Variants in PPP1R14C observed in about 807,000 individuals in gnomAD.
PPP1R14C encodes the protein protein phosphatase 1 regulatory inhibitor subunit 14C, also known as protein phosphatase 1 regulatory subunit 14C.
Under a neutral mutation model 20.4 loss-of-function variants are expected in PPP1R14C, and 16 were observed. The ratio of observed to expected loss-of-function variants is 0.78; its 90% CI spans 0.53 to 1.19. The LOEUF (loss-of-function observed/expected upper bound fraction) is 1.19, where lower values mean the gene tolerates loss of function less well. Among genes scored for constraint, PPP1R14C ranks in the 50% most tolerant of loss-of-function variants. The probability of loss-of-function intolerance (pLI) is 0.00; values close to 1 mark genes in which losing one functional copy is unlikely to be tolerated. For missense variants in PPP1R14C, 211 were observed against 220.1 expected (o/e 0.96, Z 0.26); for synonymous variants, 91 against 91.0 (o/e 1.00, Z 0.00).
intron 3 of PPP1R14C, among the ~76,000 whole-genome samples, chr6:150,234,840 C>A (rs1414435191): frequency 2.1e-5 from 2 of 95,138 alleles, no homozygotes; most frequent in African/African-American, 9.7e-5. Context: ...CAAAGTGAGA[C>A]TCTGTCTCAA....
intron 1 of PPP1R14C, among the ~76,000 whole-genome samples, chr6:150,160,908 G>A (rs1346670777): frequency 6.6e-6 from 1 of 152,016 alleles, no homozygotes; most frequent in African/African-American, 2.4e-5. Flanking sequence ...GGCTTATCTT[G>A]TATGTTTCCT....
At chr6:150,200,972 C>T (rs879705542) in intron 1 of PPP1R14C, among the ~76,000 whole-genome samples, 6 of 152,160 alleles carry the variant, frequency 3.9e-5, no homozygotes, top group Non-Finnish European at 8.8e-5. Flanking sequence ...CTCCAAAAGT[C>T]ACGGAAGTCA....
intron 3 of PPP1R14C, among the ~76,000 whole-genome samples, chr6:150,223,289 T>C (rs1778191901): frequency 6.6e-6 from 1 of 152,224 alleles, no homozygotes; most frequent in Non-Finnish European, 1.5e-5. Context: ...TGGCAATTAA[T>C]GAATAAAGCT....
At chr6:150,216,552 A>G (rs954146587) in intron 2 of PPP1R14C, among the ~76,000 whole-genome samples, 7 of 142,274 alleles carry the variant, frequency 4.9e-5, no homozygotes, top group Non-Finnish European at 1.5e-5. Context: ...TTTCAATGCT[A>G]TGGTAGCAAA....
intron 1 of PPP1R14C, among the ~76,000 whole-genome samples, chr6:150,169,225 A>G (rs1022099135): frequency 6.6e-6 from 1 of 152,236 alleles, no homozygotes; most frequent in Non-Finnish European, 1.5e-5. Flanking sequence ...AAAAATATCT[A>G]ACCTTCCATT....
intron 1 of PPP1R14C, among the ~76,000 whole-genome samples, chr6:150,198,999 T>C (rs1777844252): frequency 7.1e-6 from 1 of 141,154 alleles, no homozygotes; most frequent in Non-Finnish European, 1.6e-5. Context: ...GTAGGCTTCT[T>C]CTTTTTTTTT....
In PPP1R14C at chr6:150,214,830, A is replaced by G. The variant is rs1448825106; in HGVS notation, c.390+3A>G. On this transcript the variant is annotated splice_donor_region_variant and intron_variant, in intron 2 of 3. Coordinates refer to ENST00000361131, the MANE Select transcript of PPP1R14C (RefSeq NM_030949.3). ...AAGAGAGAGCTTCAAAATTACAGGT[A>G]AGCAGTTTCCAAAATTGAGAACCTT... 1 of 1,604,812 alleles carries G rather than the reference A, an allele frequency of 6.2e-7. No individual in the cohort carries two copies. Among genetic ancestry groups the G allele is most frequent in the Non-Finnish European group, 8.5e-7 (1 of 1,174,518 alleles).
chr6:150,159,345 A>G (rs1377223211), intron 1 of PPP1R14C, among the ~76,000 whole-genome samples: 1 of 152,142 alleles, frequency 6.6e-6, no homozygotes, highest in Non-Finnish European at 1.5e-5. Flanking sequence ...CTTTGATCGC[A>G]TTTTGTCAAC....
At position 150,234,848 on chromosome 6, in the gene PPP1R14C, C is replaced by CAAAAAAAAA. The variant is rs56139981; in HGVS notation, c.424-13878_424-13870dup. Among the ~76,000 whole-genome samples, 26 of 41,834 alleles carry CAAAAAAAAA rather than the reference C, an allele frequency of 6.2e-4. 4 individuals are homozygous for CAAAAAAAAA. Among genetic ancestry groups the CAAAAAAAAA allele is most frequent in the African/African-American group, 2.7e-3 (26 of 9,712 alleles). The allele number at this position is 41,834 out of a possible 152,430, so 27.4% of individuals were successfully genotyped here. On this transcript the variant is annotated intron_variant, in intron 3 of 3. Transcript: ENST00000361131. ...TGGGCGACAAAGTGAGACTCTGTCT[C>CAAAAAAAAA]AAAAAAAAAAAAAAAAAAAAAAAAA... is the stretch of plus-strand genomic sequence containing the variant.
intron 1 of PPP1R14C, among the ~76,000 whole-genome samples, chr6:150,180,108 G>A (rs550938014): frequency 6.6e-6 from 1 of 152,268 alleles, no homozygotes; most frequent in South Asian, 2.1e-4. Context: ...AAGCTGAGGC[G>A]TGAGAATCAC....
At position 150,244,771 on chromosome 6, in the gene PPP1R14C, G is replaced by A. The variant is rs540158567; in HGVS notation, c.424-3975G>A. Among the ~76,000 whole-genome samples, 313 of 152,226 alleles carry A rather than the reference G, an allele frequency of 2.1e-3. 1 individual carries two copies. The highest frequency in any genetic ancestry group is 3.8e-3 in the Admixed American group (58 of 15,298). On this transcript the variant is annotated intron_variant, in intron 3 of 3. Coordinates refer to ENST00000361131, the MANE Select transcript of PPP1R14C (RefSeq NM_030949.3). ...ACTGTATGTTTACAAACTGTGGGTG[G>A]GAACACATTTGCTGGTCTTGACTTT...
At position 150,248,793 on chromosome 6, in the gene PPP1R14C, G is replaced by A. The variant is rs759667149; in HGVS notation, c.471G>A (p.Leu157=). The part of the protein sequence containing the change: ...LLSRIRGMRK[L]SPPQKKSV ...CTCGGATAAGAGGCATGAGGAAACTGAGCCCTCCGCAGAAGAAGAGTGTAT... is the reference window on the plus strand; with the variant it reads ...CTCGGATAAGAGGCATGAGGAAACTAAGCCCTCCGCAGAAGAAGAGTGTAT... Residue 157 remains leucine (L), a synonymous_variant, in exon 4 of 4, where the codon CTG becomes CTA. Transcript: ENST00000361131. The A allele has an allele frequency of 1.9e-6, 3 of 1,613,254 alleles. No individual in the cohort carries two copies. Among genetic ancestry groups the A allele is most frequent in the Admixed American group, 1.7e-5 (1 of 60,006 alleles).
chr6:150,207,229 A>G (rs1777964772), intron 1 of PPP1R14C, among the ~76,000 whole-genome samples: 1 of 152,198 alleles, frequency 6.6e-6, no homozygotes, highest in Non-Finnish European at 1.5e-5. Context: ...AGCTTTAGCC[A>G]TTGGTTTAAC....
At chr6:150,209,793 G>A in intron 1 of PPP1R14C, among the ~76,000 whole-genome samples, 1 of 147,184 alleles carries the variant, frequency 6.8e-6, no homozygotes, top group South Asian at 2.1e-4. Context: ...ATGTGAGTGA[G>A]TAGTGTGGAG....
chr6:150,206,230 T>C (rs1302503654), intron 1 of PPP1R14C, among the ~76,000 whole-genome samples: 1 of 152,204 alleles, frequency 6.6e-6, no homozygotes, highest in Non-Finnish European at 1.5e-5. Context: ...ATACTCCCTG[T>C]CTCCCCTGCC....
intron 1 of PPP1R14C, among the ~76,000 whole-genome samples, chr6:150,193,893 G>A (rs1777773962): frequency 6.6e-6 from 1 of 152,120 alleles, no homozygotes; most frequent in South Asian, 2.1e-4. Flanking sequence ...TGGTTTGGCT[G>A]TGTCCCCACC....
intron 1 of PPP1R14C, among the ~76,000 whole-genome samples, chr6:150,170,130 A>G (rs1777480112): frequency 6.6e-6 from 1 of 152,214 alleles, no homozygotes; most frequent in East Asian, 1.9e-4. Context: ...AAAGGAACAT[A>G]GATTTTACCT....
chr6:150,155,347 T>C (rs1777294146), intron 1 of PPP1R14C, among the ~76,000 whole-genome samples: 1 of 152,238 alleles, frequency 6.6e-6, no homozygotes, highest in South Asian at 2.1e-4. Context: ...TTGTAATATT[T>C]ATTTATTTGG....
At chr6:150,168,065 TCCCACCTTGC>T (rs1777451347) in intron 1 of PPP1R14C, among the ~76,000 whole-genome samples, 1 of 9,908 alleles carries the variant, frequency 1.0e-4, no homozygotes, top group African/African-American at 5.3e-4. Flanking sequence ...CCCACTCCCC[TCCCACCTTGC>T]TCTCTCCCTT....
Sources: gnomAD v4.1 joint callset for allele counts (sites outside exome capture counted in the v4.1 genomes callset) on GRCh38, gnomAD v4.1.1 for gene constraint, MANE v1.5 for transcripts, NCBI Gene and HGNC (gene_info 2026-07-23, HGNC 2026-07-21) for gene names.